ZDHHC5: variants seen among roughly 807,000 people sequenced by gnomAD.
The protein encoded by ZDHHC5 is palmitoyltransferase ZDHHC5.
A neutral mutation model predicts 70.0 loss-of-function variants in ZDHHC5; 22 were observed. The observed-to-expected ratio is 0.31, with a 90% CI of 0.22 to 0.45. The LOEUF is 0.45. ZDHHC5 is among the 20% of genes least tolerant of loss of function. The pLI is 1.00. For synonymous variants in ZDHHC5, 313 were observed against 347.8 expected (o/e 0.90, Z 1.11); for missense variants, 746 against 926.9 (o/e 0.80, Z 2.53).
rs479219 is a variant in ZDHHC5 at position 57,679,716 on chromosome 11, G to C, written c.105-2706G>C. Among the ~76,000 whole-genome samples, 1,391 of 152,132 alleles carry C rather than the reference G, an allele frequency of 9.1e-3. 10 individuals carry two copies. Among genetic ancestry groups the C allele is most frequent in the East Asian group, 0.031 (163 of 5,178 alleles). On this transcript the variant is annotated intron_variant, in intron 2 of 11. Coordinates refer to ENST00000287169, the MANE Select transcript of ZDHHC5 (RefSeq NM_015457.3). The stretch of plus-strand genomic sequence containing the variant: ...CAACAGATTCAGACAGGCCACTTGG[G>C]GTGGTCACCTAGGAATCTGGCAAAG...
At chr11:57,689,628 G>A (rs1057052290) in intron 4 of ZDHHC5, among the ~76,000 whole-genome samples, 1 of 151,390 alleles carries the variant, frequency 6.6e-6, no homozygotes, top group East Asian at 1.9e-4. Context: ...TACCCGCCTC[G>A]GCCTCTCAAA....
At chr11:57,668,216 G>C (rs964393102) in intron 1 of ZDHHC5, 29 bp downstream of exon 1, 2 of 359,080 alleles carry the variant, frequency 5.6e-6, no homozygotes, top group Non-Finnish European at 1.0e-5. Flanking sequence ...GGTCCCTGCG[G>C]AACCGGAAGT....
intron 10 of ZDHHC5, 25 bp from the exon 11 acceptor site, chr11:57,698,534 G>C (rs1207068314): frequency 4.5e-6 from 7 of 1,565,776 alleles, no homozygotes; most frequent in Non-Finnish European, 6.0e-6. Context: ...GGAGCACTAA[G>C]AGCCTGCTTT....
chr11:57,694,233 C>A (rs1426121962), intron 8 of ZDHHC5, among the ~76,000 whole-genome samples: 1 of 152,122 alleles, frequency 6.6e-6, no homozygotes, highest in East Asian at 1.9e-4. Context: ...CTCAGGTGAT[C>A]TGCCCACCTC....
In ZDHHC5 at chr11:57,688,369, T is replaced by TA. The variant is rs1290795519; in HGVS notation, c.227-138dup. 3.0e-6 allele frequency: 3 copies of TA among 1,004,608 alleles called. No homozygotes were observed. The African/African-American group carries it at 5.0e-5, about 17-fold the overall frequency. 62.2% of individuals were successfully genotyped at this position (1,004,608 alleles called of 1,614,324 possible). On this transcript the variant is annotated intron_variant, in intron 3 of 11. Coordinates refer to ENST00000287169, the MANE Select transcript of ZDHHC5 (RefSeq NM_015457.3). The stretch of plus-strand genomic sequence containing the variant: ...GTATAAAGACCTGACCTCACAGTCT[T>TA]ATAGTTCCTAGTTCCTAGTCTCACT...
chr11:57,692,505 A>G (rs1946297538), intron 6 of ZDHHC5, 106 bp from the exon 7 acceptor site: 4 of 883,460 alleles, frequency 4.5e-6, no homozygotes, highest in African/African-American at 3.3e-5. Context: ...ACTCATTTGC[A>G]TAGCCCTCAG....
intron 2 of ZDHHC5, among the ~76,000 whole-genome samples, chr11:57,674,319 T>G (rs2135378544): frequency 6.6e-6 from 1 of 151,944 alleles, no homozygotes; most frequent in East Asian, 1.9e-4. Context: ...TTCCTCAGTT[T>G]TTTTTTTTTT....
chr11:57,697,126 C>T (rs747723469), intron 10 of ZDHHC5, among the ~76,000 whole-genome samples: 30 of 151,066 alleles, frequency 2.0e-4, no homozygotes, highest in African/African-American at 2.4e-4. Context: ...GTCAGGAGTT[C>T]GAGACCAGCC....
At chr11:57,675,202 T>C (rs1565190403) in intron 2 of ZDHHC5, among the ~76,000 whole-genome samples, 1 of 152,176 alleles carries the variant, frequency 6.6e-6, no homozygotes, top group South Asian at 2.1e-4. Context: ...CTCTGCTCAA[T>C]TGGGGAGGGT....
chr11:57,697,828 C>CAAAA lies in ZDHHC5; in HGVS notation c.1123-711_1123-708dup, dbSNP rs1010913426. ...CTGGTGACAGAGTGAGACTACACCT[C>CAAAA]AAAAAAAAAAAAAAAAAAAAAAAGG... On this transcript the variant is annotated intron_variant, in intron 10 of 11. Coordinates refer to ENST00000287169, the MANE Select transcript of ZDHHC5 (RefSeq NM_015457.3). Among the ~76,000 whole-genome samples the CAAAA allele has an allele frequency of 3.7e-3, 106 of 28,762 alleles. 1 individual carries two copies. Among genetic ancestry groups the CAAAA allele is most frequent in the Non-Finnish European group, 5.4e-3 (77 of 14,130 alleles). 18.9% of individuals were successfully genotyped at this position (28,762 alleles called of 152,430 possible).
rs1946034369 is a variant in ZDHHC5, at chr11:57,673,634, G to A, written c.104+440G>A. 4.6e-5 allele frequency among the ~76,000 whole-genome samples: 7 copies of A among 152,110 alleles called. 1 individual carries two copies. The South Asian group carries it at 1.4e-3, about 32-fold the overall frequency. The stretch of plus-strand genomic sequence containing the variant: ...CACTCAGGCTGGAGTGCAATGTCGC[G>A]GTCTCGGCTCACTGCAACGTCCGCC... On this transcript the variant is annotated intron_variant, in intron 2 of 11. Coordinates refer to ENST00000287169, the MANE Select transcript of ZDHHC5 (RefSeq NM_015457.3).
chr11:57,670,454 A>T (rs1945991014), intron 1 of ZDHHC5, among the ~76,000 whole-genome samples: 1 of 151,240 alleles, frequency 6.6e-6, no homozygotes, highest in African/African-American at 2.4e-5. Context: ...TGGGTGACAG[A>T]GGGAAACTGT....
intron 2 of ZDHHC5, 37 bp from the exon 3 acceptor site, chr11:57,682,385 T>C: frequency 6.3e-7 from 1 of 1,587,934 alleles, no homozygotes; most frequent in African/African-American, 1.4e-5. Context: ...TCCAAAATAT[T>C]AGAGGCAACC....
At chr11:57,671,970 TAA>T (rs995263214) in intron 1 of ZDHHC5, 49 bp from the exon 2 acceptor site, 2 of 336,656 alleles carry the variant, frequency 5.9e-6, no homozygotes, top group Non-Finnish European at 1.1e-5. Context: ...CCTTGGTGTC[TAA>T]GAAATACCCT....
chr11:57,674,051 C>A (rs1261696128), intron 2 of ZDHHC5, among the ~76,000 whole-genome samples: 2 of 152,102 alleles, frequency 1.3e-5, no homozygotes, highest in Admixed American at 1.3e-4. Flanking sequence ...AGAACAGAAG[C>A]CTGGAGAAGT....
At chr11:57,695,842 T>G in intron 8 of ZDHHC5, 78 bp from the exon 9 acceptor site, 1 of 1,514,550 alleles carries the variant, frequency 6.6e-7, no homozygotes, top group South Asian at 1.3e-5. Flanking sequence ...AATACCTCCC[T>G]CTTATATCAA....
intron 9 of ZDHHC5, 42 bp from the exon 10 acceptor site, chr11:57,696,719 A>T: frequency 8.8e-6 from 14 of 1,588,242 alleles, no homozygotes; most frequent in Non-Finnish European, 1.1e-5. Flanking sequence ...AAACCAAAAA[A>T]CCGCTTGTAA....
chr11:57,688,877 C>A (rs147998495), intron 4 of ZDHHC5, among the ~76,000 whole-genome samples: 72 of 152,260 alleles, frequency 4.7e-4, no homozygotes, highest in Middle Eastern at 3.4e-3. Context: ...TCAATATGGG[C>A]ATAGGCTTTC....
rs1248160881 is a variant in ZDHHC5 at position 57,696,044 on chromosome 11, G to T, written c.1009+1G>T. The T allele has an allele frequency of 1.2e-6, 2 of 1,609,218 alleles. No homozygotes were observed. Among genetic ancestry groups the T allele is most frequent in the Non-Finnish European group, 8.5e-7 (1 of 1,178,626 alleles). On this transcript the variant is annotated splice_donor_variant, in intron 9 of 11. Coordinates refer to ENST00000287169, the MANE Select transcript of ZDHHC5 (RefSeq NM_015457.3). LOFTEE classifies it high-confidence loss of function. Reference sequence around the variant, plus strand: ...CACCTCGGCTTGGCTACTAATGAGGGTAAGGGCTGCCTTGATTTGCAAGAT... The same window carrying T: ...CACCTCGGCTTGGCTACTAATGAGGTTAAGGGCTGCCTTGATTTGCAAGAT...
Sources: gnomAD v4.1 joint callset for allele counts (sites outside exome capture counted in the v4.1 genomes callset) on GRCh38, gnomAD v4.1.1 for gene constraint, MANE v1.5 for transcripts, NCBI Gene and HGNC (gene_info 2026-07-23, HGNC 2026-07-21) for gene names.